The following SEMA4D variants were observed in gnomAD, a reference collection of about 807,000 sequenced individuals.
SEMA4D encodes semaphorin-4D.
SEMA4D carries 22 observed loss-of-function variants against 74.8 expected under a neutral mutation model. That is an observed-to-expected ratio of 0.29 (90% CI 0.21 to 0.42). The LOEUF is 0.42. Among genes scored for constraint, SEMA4D ranks in the 10% least tolerant of loss-of-function variants. The pLI is 1.00. For synonymous variants in SEMA4D, 445 were observed against 463.7 expected (o/e 0.96, Z 0.52); for missense variants, 937 against 1,118.4 (o/e 0.84, Z 2.31).
In SEMA4D at chr9:89,378,841, C is replaced by T; in HGVS notation, c.2452G>A (p.Glu818Lys). The T allele has an allele frequency of 6.2e-7, 1 of 1,614,176 alleles. No individual in the cohort carries two copies. Among genetic ancestry groups the T allele is most frequent in the Non-Finnish European group, 8.5e-7 (1 of 1,180,036 alleles). ...ACTTTGCTGGTGATGGTGTCTTGCT[C>T]GGTCTCATAGCCGGTGTCCAGGGCT... ...KPALDTGYET[E>K]QDTITSKVPT... The change falls in exon 16 of 16, where the codon GAG becomes AAG. Residue 818 changes from glutamate to lysine, a missense_variant. Glu to Lys is a moderately conservative substitution (Grantham distance 56). Coordinates refer to ENST00000422704, the MANE Select transcript of SEMA4D (RefSeq NM_001371194.2).
In SEMA4D at chr9:89,381,473, G is replaced by T; in HGVS notation, c.1447-127C>A. 1.1e-6 allele frequency: 1 copy of T among 923,304 alleles called. No homozygotes were observed. The allele number at this position is 923,304 out of a possible 1,614,324, so 57.2% of individuals were successfully genotyped here. A position where few individuals can be genotyped will look rare whatever the true frequency, so the allele number is the denominator to read the frequency against. Reference sequence around the variant, plus strand: ...CTTCAGGGGACATTGCAGTAAGGAGGAGAGGTACTCAGAACCAGAGGCAAA... The same window carrying T: ...CTTCAGGGGACATTGCAGTAAGGAGTAGAGGTACTCAGAACCAGAGGCAAA... On this transcript the variant is annotated intron_variant, in intron 13 of 15. Transcript: ENST00000422704. The surrounding 1 kb of genome is among the most constrained non-coding windows in gnomAD (Gnocchi z 4.6).
intron 1 of SEMA4D, 84 bp downstream of exon 1, chr9:89,497,835 G>A (rs77218608): frequency 0.19 from 27,953 of 150,974 alleles, 2,793 homozygotes; most frequent in East Asian, 0.32. Context: ...TGTGGAGTGG[G>A]GGCTCCGCGG....
chr9:89,456,719 T>C (rs1485490876), intron 1 of SEMA4D, among the ~76,000 whole-genome samples: 2 of 152,184 alleles, frequency 1.3e-5, no homozygotes, highest in Non-Finnish European at 2.9e-5. Flanking sequence ...CCTGAGTAGC[T>C]GAGCTTAAAG....
intron 1 of SEMA4D, among the ~76,000 whole-genome samples, chr9:89,481,396 C>T (rs556712359): frequency 2.0e-5 from 3 of 152,130 alleles, no homozygotes; most frequent in African/African-American, 7.2e-5. Flanking sequence ...AGGTCTGAGA[C>T]AAAATTAAAC....
intron 2 of SEMA4D, among the ~76,000 whole-genome samples, chr9:89,434,963 T>C (rs1490555544): frequency 1.3e-5 from 2 of 152,084 alleles, no homozygotes; most frequent in Admixed American, 6.5e-5. Context: ...GAAAAAAACC[T>C]GAATTTTTAG....
chr9:89,451,687 T>G (rs1293790505), intron 2 of SEMA4D, among the ~76,000 whole-genome samples: 1 of 152,178 alleles, frequency 6.6e-6, no homozygotes, highest in African/African-American at 2.4e-5. Context: ...CCCAGGAAAC[T>G]AGGGCTCCCA....
rs1451718018 is a variant in SEMA4D at position 89,381,386 on chromosome 9, C to G, written c.1447-40G>C. The G allele has an allele frequency of 6.9e-7, 1 of 1,446,270 alleles. No homozygotes were observed. 89.6% of individuals were successfully genotyped at this position (1,446,270 alleles called of 1,614,324 possible). On this transcript the variant is annotated intron_variant, in intron 13 of 15. Coordinates refer to ENST00000422704, the MANE Select transcript of SEMA4D (RefSeq NM_001371194.2). This position sits in a 1 kb window ranked among gnomAD's most constrained non-coding sequence, Gnocchi z 4.6. ...CAGAGAAGAACTAGCATCAGGCAAG[C>G]AGGCATCCAGGAGCATGGCCTCTGC...
At chr9:89,408,627 C>G (rs1359634439) in intron 2 of SEMA4D, among the ~76,000 whole-genome samples, 1 of 152,158 alleles carries the variant, frequency 6.6e-6, no homozygotes, top group African/African-American at 2.4e-5. Context: ...ACTGCACACT[C>G]GCATTGTGAG....
At chr9:89,375,443 T>C (rs113126558), downstream of SEMA4D, among the ~76,000 whole-genome samples, 9,136 of 152,248 alleles carry the variant, frequency 0.06, 423 homozygotes, top group South Asian at 0.12. Flanking sequence ...TCCTGTCCAG[T>C]GCTGGCTGCC....
intron 12 of SEMA4D, chr9:89,386,852 A>G: frequency 1.2e-5 from 3 of 253,428 alleles, no homozygotes; most frequent in South Asian, 4.5e-5. Flanking sequence ...CGGTGAGGAC[A>G]GGGGGCATGT....
intron 1 of SEMA4D, among the ~76,000 whole-genome samples, chr9:89,475,876 T>A (rs563364239): frequency 1.3e-5 from 2 of 152,320 alleles, no homozygotes; most frequent in Non-Finnish European, 2.9e-5. Context: ...GCTCCCAGGC[T>A]TTCTGCTAAT....
chr9:89,450,984 GAAATT>G lies in SEMA4D; in HGVS notation c.-244+4899_-244+4903del. 2.0e-5 allele frequency among the ~76,000 whole-genome samples: 3 copies of G among 152,236 alleles called. 1 individual carries two copies. The Middle Eastern group carries it at 0.01, about 518-fold the overall frequency. On this transcript the variant is annotated intron_variant, in intron 2 of 15. Coordinates refer to ENST00000422704, the MANE Select transcript of SEMA4D (RefSeq NM_001371194.2). ...CACAGAAGACTTTAATTGAACAAAAGAAATTAAATAATAAAATCAGGAGTCAAAAT... is the reference window on the plus strand; with the variant it reads ...CACAGAAGACTTTAATTGAACAAAAGAAATAATAAAATCAGGAGTCAAAAT...
At chr9:89,477,296 A>G (rs988531099) in intron 1 of SEMA4D, among the ~76,000 whole-genome samples, 4 of 151,888 alleles carry the variant, frequency 2.6e-5, no homozygotes, top group Non-Finnish European at 5.9e-5. Context: ...ATTCACATAC[A>G]CACATGCATG....
chr9:89,453,778 T>C (rs1242775079), intron 2 of SEMA4D, among the ~76,000 whole-genome samples: 5 of 152,072 alleles, frequency 3.3e-5, no homozygotes, highest in African/African-American at 7.2e-5. Flanking sequence ...AAGCACCTTA[T>C]ATGGGCCACT....
At chr9:89,375,544 G>C (rs952825078), downstream of SEMA4D, among the ~76,000 whole-genome samples, 1 of 152,240 alleles carries the variant, frequency 6.6e-6, no homozygotes, top group African/African-American at 2.4e-5. Flanking sequence ...ACTCTCAGGA[G>C]CTACTGACAG....
In SEMA4D at chr9:89,480,903, G is replaced by C. The variant is rs4320636; in HGVS notation, c.-310+17016C>G. On this transcript the variant is annotated intron_variant, in intron 1 of 15. Transcript: ENST00000422704. ...GGGACTGAAGTGCTCCTCAAATGCC[G>C]CCAAAGTGGGAGCCCAGGCAGGGGA... Among the ~76,000 whole-genome samples the C allele has an allele frequency of 7.0e-4, 106 of 152,362 alleles. No individual in the cohort carries two copies. In the South Asian group the frequency reaches 0.021, roughly 30 times the overall value.
chr9:89,379,337 G>C lies in SEMA4D; in HGVS notation c.1956C>G (p.Pro652=). 6.2e-7 allele frequency: 1 copy of C among 1,614,134 alleles called. No individual in the cohort carries two copies. Among genetic ancestry groups the C allele is most frequent in the Non-Finnish European group, 8.5e-7 (1 of 1,180,022 alleles). Residue 652 remains proline, a synonymous_variant, in exon 16 of 16, where the codon CCC becomes CCG. Transcript: ENST00000422704. ...HVLEVKVVPK[P]VVAPTLSVVQ... is the part of the protein sequence containing the mutation. The stretch of plus-strand genomic sequence containing the variant: ...CAACTGACAAGGTGGGGGCCACTAC[G>C]GGCTTTGGAACCACCTTCACTTCCA...
intron 2 of SEMA4D, chr9:89,450,785 C>CAGATCGGAAGAGCG: frequency 1.1e-6 from 1 of 902,730 alleles, no homozygotes; most frequent in Non-Finnish European, 1.7e-6. Flanking sequence ...CTTGCTGCTC[C>CAGATCGGAAGAGCG]TGCCTCATCC....
intron 1 of SEMA4D, among the ~76,000 whole-genome samples, chr9:89,469,726 C>T (rs982555813): frequency 3.5e-4 from 54 of 152,192 alleles, no homozygotes; most frequent in African/African-American, 1.2e-3. Context: ...ATGATAAAAG[C>T]TTTCAGCAAA....
Sources: gnomAD v4.1 joint callset for allele counts (sites outside exome capture counted in the v4.1 genomes callset) on GRCh38, gnomAD v4.1.1 for gene constraint, Gnocchi (gnomAD v3.1) non-coding constraint, MANE v1.5 for transcripts, NCBI Gene and HGNC (gene_info 2026-07-23, HGNC 2026-07-21) for gene names.